Variants in RELN observed in about 807,000 individuals in gnomAD.
RELN encodes reelin.
Under a neutral mutation model 427.6 loss-of-function variants are expected in RELN, and 108 were observed. The observed-to-expected ratio is 0.25, with a 90% confidence interval of 0.22 to 0.30. RELN has a LOEUF of 0.30. RELN is among the 10% of genes least tolerant of loss of function. The probability of loss-of-function intolerance (pLI) is 1.00; values close to 1 mark genes in which losing one functional copy is unlikely to be tolerated. For synonymous variants in RELN, 1,524 were observed against 1,513.4 expected, an observed-to-expected ratio of 1.01 and a Z score of -0.16; for missense variants, 3,715 against 4,302.8, an observed-to-expected ratio of 0.86 and a Z score of 3.82.
intron 2 of RELN, among the ~76,000 whole-genome samples, chr7:103,889,633 C>T (rs1017212886): frequency 6.6e-6 from 1 of 152,100 alleles, no homozygotes; most frequent in Admixed American, 6.6e-5. Context: ...TTATCTTATT[C>T]TTTCCACCTG....
At position 103,494,364 on chromosome 7, in the gene RELN, T is replaced by TG. The variant is rs1191321798; in HGVS notation, c.9369+1358_9369+1359insC. Among the ~76,000 whole-genome samples, 12 of 143,046 alleles carry TG rather than the reference T, an allele frequency of 8.4e-5. No individual in the cohort carries two copies. In the South Asian group the frequency reaches 8.8e-4, roughly 10 times the overall value. The allele number at this position is 143,046 out of a possible 152,430, so 93.8% of individuals were successfully genotyped here. ...AATACAATACATTTCTGTAATGACT[T>TG]TTGTGTGTGTGTGTGTGTGTGTGTG... On this transcript the variant is annotated intron_variant, in intron 57 of 64. Coordinates refer to ENST00000428762, the MANE Select transcript of RELN (RefSeq NM_005045.4).
intron 1 of RELN, among the ~76,000 whole-genome samples, chr7:103,969,198 A>C (rs889223102): frequency 2.0e-5 from 3 of 152,162 alleles, no homozygotes; most frequent in Non-Finnish European, 4.4e-5. Context: ...TAACTCCTCC[A>C]GTAATTATGG....
At chr7:103,499,523 CCT>C (rs1395094707) in intron 53 of RELN, among the ~76,000 whole-genome samples, 2 of 152,036 alleles carry the variant, frequency 1.3e-5, no homozygotes, top group African/African-American at 2.4e-5. Flanking sequence ...TACAGAAAAA[CCT>C]ATATTTTTTC....
chr7:103,500,572 C>G (rs541560717), intron 53 of RELN, among the ~76,000 whole-genome samples, 173 bp downstream of exon 53: 1 of 152,140 alleles, frequency 6.6e-6, no homozygotes, highest in Non-Finnish European at 1.5e-5. Context: ...GAACTTGATC[C>G]TAATATTCTT....
At chr7:103,748,167 AT>A (rs1790896028) in intron 6 of RELN, among the ~76,000 whole-genome samples, 1 of 150,308 alleles carries the variant, frequency 6.7e-6, no homozygotes, top group Admixed American at 6.6e-5. Context: ...CTTCTTATTA[AT>A]AAATATTTTC....
chr7:103,833,631 T>G lies in RELN; in HGVS notation c.379A>C (p.Ser127Arg). Residue 127 changes from serine (S) to arginine (R), a missense_variant, in exon 3 of 65, where the codon AGT becomes CGT. Ser to Arg is a moderately radical substitution (Grantham distance 110). Transcript: ENST00000428762. ...DHQFGNQFMC[S>R]VVASHVSHLP... is the part of the protein sequence containing the mutation. ...TGACTCACGTGAGAGGCTACCACAC[T>G]GCACATAAACTGGTTACCAAACTGG... 1 of 1,613,774 alleles carries G rather than the reference T, an allele frequency of 6.2e-7. No homozygotes were observed. Among genetic ancestry groups the G allele is most frequent in the Non-Finnish European group, 8.5e-7 (1 of 1,179,712 alleles).
At chr7:103,871,565 G>A (rs114389238) in intron 2 of RELN, among the ~76,000 whole-genome samples, 1 of 152,206 alleles carries the variant, frequency 6.6e-6, no homozygotes, top group African/African-American at 2.4e-5. Flanking sequence ...TTGCCTCAGT[G>A]ACTTAGTTGT....
chr7:103,989,523 C>T lies in RELN; in HGVS notation c.-167G>A. 1 of 529,342 alleles carries T rather than the reference C, an allele frequency of 1.9e-6. No individual in the cohort carries two copies. Among genetic ancestry groups the T allele is most frequent in the Non-Finnish European group, 3.0e-6 (1 of 336,844 alleles). The allele number at this position is 529,342 out of a possible 1,614,324, so 32.8% of individuals were successfully genotyped here. On this transcript the variant is annotated 5_prime_UTR_variant, in exon 1 of 65. Transcript: ENST00000428762. This position sits in a 1 kb window ranked among gnomAD's most constrained non-coding sequence, Gnocchi z 4.9. ...GGAGCGGGCCCCCGCCGAGAAGTTC[C>T]GCGGGAGACGGCGGCTCCCAAAGTT...
At chr7:103,663,068 TCAAA>T (rs1833180491) in intron 11 of RELN, among the ~76,000 whole-genome samples, 2 of 152,158 alleles carry the variant, frequency 1.3e-5, no homozygotes, top group Admixed American at 1.3e-4. Context: ...TTTTTGTCTA[TCAAA>T]CAAACTCAGG....
intron 2 of RELN, among the ~76,000 whole-genome samples, chr7:103,859,505 G>A (rs996153378): frequency 1.3e-5 from 2 of 152,106 alleles, no homozygotes; most frequent in African/African-American, 4.8e-5. Flanking sequence ...GTGTTAGCCA[G>A]GATGGTCTCG....
chr7:103,639,720 G>C (rs953823086), intron 17 of RELN, among the ~76,000 whole-genome samples: 1 of 151,950 alleles, frequency 6.6e-6, no homozygotes, highest in Non-Finnish European at 1.5e-5. Flanking sequence ...AATGATCCAG[G>C]TTCAAAGCTC....
At chr7:103,484,028 C>T (rs548438414) in intron 61 of RELN, among the ~76,000 whole-genome samples, 178 bp from the exon 62 acceptor site, 17 of 151,906 alleles carry the variant, frequency 1.1e-4, no homozygotes, top group Non-Finnish European at 1.8e-4. Context: ...AACAGGTGTG[C>T]GCCACCACGC....
chr7:103,661,615 C>T, intron 11 of RELN, 88 bp from the exon 12 acceptor site: 2 of 1,134,246 alleles, frequency 1.8e-6, no homozygotes, highest in Admixed American at 3.9e-5. Context: ...GTGAGGGACA[C>T]TTACTTACTT....
chr7:103,665,118 A>C (rs952261571), intron 11 of RELN, among the ~76,000 whole-genome samples: 2 of 152,116 alleles, frequency 1.3e-5, no homozygotes, highest in African/African-American at 4.8e-5. Flanking sequence ...ATTTGAGGTA[A>C]GGAATGAGTT....
In RELN at chr7:103,503,060, C is replaced by T. The variant is rs1156230944; in HGVS notation, c.8445G>A (p.Gly2815=). Residue 2815 remains glycine (G), a synonymous_variant, in exon 52 of 65, where the codon GGG becomes GGA. Coordinates refer to ENST00000428762, the MANE Select transcript of RELN (RefSeq NM_005045.4). ...SQPSVFFPTK[G]WKRITYPLPE... ...GAAGTGGGTAGGTGATCCTTTTCCA[C>T]CCTTTAGTTGGAAAGAATACAGATG... 6.2e-7 allele frequency: 1 copy of T among 1,614,026 alleles called. No homozygotes were observed. The highest frequency in any genetic ancestry group is 8.5e-7 in the Non-Finnish European group (1 of 1,180,030).
chr7:103,905,707 TG>T (rs1795189345), intron 2 of RELN, among the ~76,000 whole-genome samples: 1 of 151,616 alleles, frequency 6.6e-6, no homozygotes, highest in South Asian at 2.1e-4. Context: ...GGAGTGAAGA[TG>T]ACTTCACAGG....
chr7:103,754,103 C>G (rs1340374984), intron 4 of RELN, among the ~76,000 whole-genome samples: 2 of 151,918 alleles, frequency 1.3e-5, no homozygotes, highest in Non-Finnish European at 2.9e-5. Context: ...TTTATGAACT[C>G]TTAATACAGG....
chr7:103,709,522 A>T lies in RELN; in HGVS notation c.806-8516T>A, dbSNP rs181992696. ...TTGTTACCCAGTTCTAGGACTTAGGACCACAGTGGTAAGACATTTAAGAGA... is the reference window on the plus strand; with the variant it reads ...TTGTTACCCAGTTCTAGGACTTAGGTCCACAGTGGTAAGACATTTAAGAGA... On this transcript the variant is annotated intron_variant, in intron 8 of 64. Coordinates refer to ENST00000428762, the MANE Select transcript of RELN (RefSeq NM_005045.4). 1.1e-4 allele frequency among the ~76,000 whole-genome samples: 16 copies of T among 152,292 alleles called. No individual in the cohort carries two copies. In the East Asian group the frequency reaches 3.1e-3, roughly 29 times the overall value.
chr7:103,711,826 T>G (rs916807778), intron 8 of RELN, among the ~76,000 whole-genome samples: 2 of 151,922 alleles, frequency 1.3e-5, no homozygotes, highest in African/African-American at 4.8e-5. Flanking sequence ...CTGGCTAATT[T>G]TTTTGTATTT....
Sources: gnomAD v4.1 joint callset for allele counts (sites outside exome capture counted in the v4.1 genomes callset) on GRCh38, gnomAD v4.1.1 for gene constraint, Gnocchi (gnomAD v3.1) non-coding constraint, MANE v1.5 for transcripts, NCBI Gene and HGNC (gene_info 2026-07-23, HGNC 2026-07-21) for gene names.